Variants in CDH10 observed in about 807,000 individuals in gnomAD.
The protein encoded by CDH10 is cadherin 10.
A neutral mutation model predicts 73.1 loss-of-function variants in CDH10; 30 were observed. The ratio of observed to expected loss-of-function variants is 0.41; its 90% confidence interval spans 0.31 to 0.56. The LOEUF (loss-of-function observed/expected upper bound fraction) is 0.56. Among genes scored for constraint, CDH10 ranks in the 20% least tolerant of loss-of-function variants. The pLI is 0.27. For synonymous variants in CDH10, 345 were observed against 348.2 expected (o/e 0.99, Z 0.10); for missense variants, 815 against 973.7 (o/e 0.84, Z 2.17).
At chr5:24,626,147 T>A (rs1192963394) in intron 1 of CDH10, among the ~76,000 whole-genome samples, 2 of 152,138 alleles carry the variant, frequency 1.3e-5, no homozygotes, top group Non-Finnish European at 2.9e-5. Flanking sequence ...AAATTCATGT[T>A]AATTTCATGG....
intron 8 of CDH10, among the ~76,000 whole-genome samples, chr5:24,502,306 G>A (rs1319410545): frequency 6.6e-6 from 1 of 152,140 alleles, no homozygotes. Context: ...ACCTGGAGTG[G>A]TGCCTGCCAT....
chr5:24,487,630 T>C lies in CDH10; in HGVS notation c.*33A>G, dbSNP rs1335721218. 11 of 1,564,536 alleles carry C rather than the reference T, an allele frequency of 7.0e-6. No individual in the cohort carries two copies. Among genetic ancestry groups the C allele is most frequent in the Non-Finnish European group, 6.9e-6 (8 of 1,153,436 alleles). ...GTGGAGACAGCATGGGTAGAGTTAC[T>C]TTCTCTTGTTTGAACAGAACATATA... On this transcript the variant is annotated 3_prime_UTR_variant, in exon 12 of 12. Transcript: ENST00000264463.
At position 24,509,711 on chromosome 5, in the gene CDH10, C is replaced by G. The variant is rs2111752566; in HGVS notation, c.1111G>C (p.Val371Leu). The change falls in exon 7 of 12, where the codon GTG becomes CTG. Residue 371 changes from valine to leucine, a missense_variant. By Grantham distance (32) the Val-to-Leu change is conservative. Coordinates refer to ENST00000264463, the MANE Select transcript of CDH10 (RefSeq NM_006727.5). ...YLGPFKDTTI[V>L]KISIEDVDEP... ...TCCACATCTTCTATAGAGATTTTCA[C>G]TATGGTAGTATCTTTAAATGGTCCT... 1.2e-6 allele frequency: 2 copies of G among 1,613,648 alleles called. No homozygotes were observed. The highest frequency in any genetic ancestry group is 1.3e-5 in the African/African-American group (1 of 75,042).
intron 11 of CDH10, 121 bp from the exon 12 acceptor site, chr5:24,488,274 T>A: frequency 1.2e-6 from 1 of 862,418 alleles, no homozygotes; most frequent in Non-Finnish European, 1.7e-6. Context: ...ACTTTCAGAT[T>A]AATTTTGTGC....
chr5:24,635,004 GGA>G (rs1491314888), intron 1 of CDH10, among the ~76,000 whole-genome samples: 27 of 60,800 alleles, frequency 4.4e-4, no homozygotes, highest in African/African-American at 1.1e-3. Context: ...AGCCAAAAAA[GGA>G]AAAAAAAAAA....
chr5:24,521,665 T>TA (rs1330699763), intron 5 of CDH10, among the ~76,000 whole-genome samples: 3 of 151,882 alleles, frequency 2.0e-5, no homozygotes, highest in African/African-American at 7.3e-5. Flanking sequence ...ACTATAACTC[T>TA]AAAAAATAAC....
chr5:24,642,683 C>G (rs1236934758), intron 1 of CDH10, among the ~76,000 whole-genome samples: 1 of 152,058 alleles, frequency 6.6e-6, no homozygotes, highest in Non-Finnish European at 1.5e-5. Flanking sequence ...GGAACATCAC[C>G]TAGAGCATTA....
intron 5 of CDH10, among the ~76,000 whole-genome samples, chr5:24,513,138 C>A (rs900418898): frequency 1.4e-4 from 22 of 151,968 alleles, no homozygotes; most frequent in Admixed American, 1.3e-3. Flanking sequence ...CGTGCCTCAG[C>A]CTCCTGAGTA....
intron 1 of CDH10, among the ~76,000 whole-genome samples, chr5:24,626,135 T>C (rs1436616182): frequency 6.6e-6 from 1 of 152,104 alleles, no homozygotes; most frequent in Admixed American, 6.6e-5. Flanking sequence ...CAATGGCCAT[T>C]CAAATTCATG....
At chr5:24,574,911 CA>C (rs1421771817) in intron 2 of CDH10, among the ~76,000 whole-genome samples, 1 of 151,606 alleles carries the variant, frequency 6.6e-6, no homozygotes, top group Non-Finnish European at 1.5e-5. Context: ...AAACCTAACC[CA>C]TGAAAGATAC....
chr5:24,626,587 TG>T (rs536972848), intron 1 of CDH10, among the ~76,000 whole-genome samples: 95 of 152,140 alleles, frequency 6.2e-4, no homozygotes, highest in African/African-American at 2.2e-3. Context: ...ATAACTTTGA[TG>T]TAGATTTCTA....
intron 2 of CDH10, among the ~76,000 whole-genome samples, chr5:24,557,753 A>G (rs2111976545): frequency 6.6e-6 from 1 of 151,966 alleles, no homozygotes; most frequent in Admixed American, 6.6e-5. Flanking sequence ...AACTGATTGT[A>G]TTACGATGTT....
At chr5:24,620,917 G>C (rs1336598923) in intron 1 of CDH10, among the ~76,000 whole-genome samples, 2 of 152,126 alleles carry the variant, frequency 1.3e-5, no homozygotes, top group Admixed American at 1.3e-4. Flanking sequence ...GAAGGTTTAT[G>C]GAAAACTCTT....
At chr5:24,614,322 A>T (rs987813720) in intron 1 of CDH10, among the ~76,000 whole-genome samples, 1 of 152,194 alleles carries the variant, frequency 6.6e-6, no homozygotes, top group Admixed American at 6.5e-5. Context: ...ACAGCACACA[A>T]TATATTCCTT....
intron 9 of CDH10, 38 bp downstream of exon 9, chr5:24,498,360 T>A: frequency 6.8e-7 from 1 of 1,473,794 alleles, no homozygotes; most frequent in Non-Finnish European, 9.3e-7. Flanking sequence ...TGCATACAGT[T>A]AAAATCTTTC....
intron 1 of CDH10, among the ~76,000 whole-genome samples, chr5:24,622,221 G>A (rs1032993839): frequency 6.8e-6 from 1 of 146,248 alleles, no homozygotes; most frequent in Non-Finnish European, 1.5e-5. Context: ...ACAAGTCACA[G>A]CTGACCTTTG....
At position 24,608,047 on chromosome 5, in the gene CDH10, G is replaced by A. The variant is rs1043176922; in HGVS notation, c.-123-14434C>T. ...TCCTTGGCTAGAAATATTAATCTTCGGAGGAAAAACACTAGTGTATGTAAG... is the reference window on the plus strand; with the variant it reads ...TCCTTGGCTAGAAATATTAATCTTCAGAGGAAAAACACTAGTGTATGTAAG... On this transcript the variant is annotated intron_variant, in intron 1 of 11. Coordinates refer to ENST00000264463, the MANE Select transcript of CDH10 (RefSeq NM_006727.5). Among the ~76,000 whole-genome samples, 12 of 151,808 alleles carry A rather than the reference G, an allele frequency of 7.9e-5. No homozygotes were observed. In the East Asian group the frequency reaches 1.4e-3, roughly 17 times the overall value.
intron 2 of CDH10, among the ~76,000 whole-genome samples, chr5:24,582,910 T>C (rs1001617745): frequency 6.6e-6 from 1 of 152,180 alleles, no homozygotes; most frequent in Non-Finnish European, 1.5e-5. Context: ...TTGGTTTAGG[T>C]TGAAACAACC....
intron 5 of CDH10, among the ~76,000 whole-genome samples, chr5:24,534,340 A>G (rs1022095203): frequency 3.3e-5 from 5 of 152,048 alleles, no homozygotes; most frequent in African/African-American, 1.2e-4. Flanking sequence ...CCTAATTTCT[A>G]TCTTTAAATA....
Sources: gnomAD v4.1 joint callset for allele counts (sites outside exome capture counted in the v4.1 genomes callset) on GRCh38, gnomAD v4.1.1 for gene constraint, MANE v1.5 for transcripts, NCBI Gene and HGNC (gene_info 2026-07-23, HGNC 2026-07-21) for gene names.